Variants in PADI1 observed in about 807,000 individuals in gnomAD.
PADI1 encodes peptidyl arginine deiminase 1.
Under a neutral mutation model 74.8 loss-of-function variants are expected in PADI1, and 65 were observed. That is an observed-to-expected ratio of 0.87 (90% CI 0.71 to 1.07). The LOEUF (loss-of-function observed/expected upper bound fraction) is 1.07, where lower values mean the gene tolerates loss of function less well. PADI1 is among the 50% of genes least tolerant of loss of function. The pLI is 0.00. For synonymous variants in PADI1, 371 were observed against 336.2 expected, an observed-to-expected ratio of 1.10 and a Z score of -1.13; for missense variants, 943 against 854.0, an observed-to-expected ratio of 1.10 and a Z score of -1.30.
chr1:17,232,840 A>G lies in PADI1; in HGVS notation c.1183A>G (p.Thr395Ala), dbSNP rs756241132. 6.2e-7 allele frequency: 1 copy of G among 1,612,540 alleles called. No homozygotes were observed. The highest frequency in any genetic ancestry group is 1.1e-5 in the South Asian group (1 of 90,924). ...RILGPDFGYV[T>A]REIPLPGPSS... ...ATAGGGTCCTGACTTTGGATATGTT[A>G]CCCGGGAGATCCCGCTCCCTGGTCC... The change falls in exon 11 of 16, where the codon ACC becomes GCC. Residue 395 changes from threonine (T) to alanine (A), a missense_variant. Physicochemically the swap from Thr to Ala is moderately conservative, Grantham distance 58 (BLOSUM62 0). Transcript: ENST00000375471.
intron 1 of PADI1, among the ~76,000 whole-genome samples, chr1:17,205,558 T>C (rs532665688): frequency 6.6e-6 from 1 of 152,258 alleles, no homozygotes; most frequent in South Asian, 2.1e-4. Flanking sequence ...AGTCCAGCCT[T>C]AGATTTCTAA....
intron 6 of PADI1, among the ~76,000 whole-genome samples, chr1:17,227,064 A>T (rs1404902866): frequency 2.7e-5 from 4 of 147,516 alleles, no homozygotes; most frequent in Non-Finnish European, 3.0e-5. Context: ...GGGTGTGGAG[A>T]CTCATGCCTG....
chr1:17,210,935 G>T (rs1246102650), intron 1 of PADI1, among the ~76,000 whole-genome samples: 2 of 152,226 alleles, frequency 1.3e-5, no homozygotes, highest in East Asian at 1.9e-4. Context: ...CCTGCTCTGT[G>T]CTGGGTTCTG....
At position 17,244,088 on chromosome 1, in the gene PADI1, G is replaced by A. The variant is rs777805667; in HGVS notation, c.1837G>A (p.Glu613Lys). Residue 613 changes from glutamate to lysine, a missense_variant, in exon 16 of 16, where the codon GAG (glutamate) becomes AAG (lysine). Physicochemically the swap from Glu to Lys is moderately conservative, Grantham distance 56. Coordinates refer to ENST00000375471, the MANE Select transcript of PADI1 (RefSeq NM_013358.3). ...CATCATCAATGGCCGCTGCTGCCTG[G>A]AGGAGAAGGTGCAGTCCCTGCTGGA... ...GPIINGRCCL[E>K]EKVQSLLEPL... 3.2e-5 allele frequency: 51 copies of A among 1,614,116 alleles called. No homozygotes were observed. The highest frequency in any genetic ancestry group is 1.6e-4 in the Middle Eastern group (1 of 6,084).
At chr1:17,242,027 C>T (rs1281966108) in intron 15 of PADI1, among the ~76,000 whole-genome samples, 1 of 152,228 alleles carries the variant, frequency 6.6e-6, no homozygotes, top group Admixed American at 6.5e-5. Flanking sequence ...GCTTTCCTGA[C>T]TCCTCATGGG....
intron 12 of PADI1, 73 bp downstream of exon 12, chr1:17,237,531 C>T: frequency 7.0e-7 from 1 of 1,422,162 alleles, no homozygotes; most frequent in South Asian, 1.4e-5. Flanking sequence ...AGGGCAAAGC[C>T]ATCTGGAACC....
chr1:17,234,136 A>G (rs565861497), intron 11 of PADI1, among the ~76,000 whole-genome samples: 17 of 152,326 alleles, frequency 1.1e-4, no homozygotes. Flanking sequence ...TGCCAGCTAC[A>G]TGATTTGGGA....
chr1:17,206,801 C>A (rs2100382332), intron 1 of PADI1, among the ~76,000 whole-genome samples: 1 of 151,256 alleles, frequency 6.6e-6, no homozygotes, highest in East Asian at 2.0e-4. Flanking sequence ...TCTGCCGCAG[C>A]CTCCAGAGTA....
intron 1 of PADI1, among the ~76,000 whole-genome samples, chr1:17,212,056 G>T (rs2071845846): frequency 6.6e-6 from 1 of 152,200 alleles, no homozygotes; most frequent in East Asian, 1.9e-4. Flanking sequence ...TGGGAGCCCT[G>T]TGTGCCCCAG....
chr1:17,239,605 G>A (rs1056014974), intron 13 of PADI1, 99 bp from the exon 14 acceptor site: 37 of 872,612 alleles, frequency 4.2e-5, no homozygotes, highest in Non-Finnish European at 6.7e-5. Flanking sequence ...CTGGCACTGA[G>A]GTAGGAGGGA....
chr1:17,228,114 C>T (rs1024642205), intron 6 of PADI1, among the ~76,000 whole-genome samples: 15 of 152,270 alleles, frequency 9.9e-5, no homozygotes, highest in Non-Finnish European at 1.9e-4. Flanking sequence ...CCTCAGCCTC[C>T]CGAGTAGCTG....
chr1:17,208,312 A>G (rs899920617), intron 1 of PADI1, among the ~76,000 whole-genome samples: 5 of 152,116 alleles, frequency 3.3e-5, no homozygotes, highest in African/African-American at 9.7e-5. Flanking sequence ...TGTGTGCCCC[A>G]GGGTGTCCCA....
At chr1:17,237,524 G>A (rs1340019312) in intron 12 of PADI1, 66 bp downstream of exon 12, 4 of 1,468,340 alleles carry the variant, frequency 2.7e-6, no homozygotes, top group Admixed American at 2.2e-5. Flanking sequence ...ATGAGTCAGG[G>A]CAAAGCCATC....
In PADI1 at chr1:17,205,201, G is replaced by T. The variant is rs753694403; in HGVS notation, c.-17G>T. 3 of 1,610,302 alleles carry T rather than the reference G, an allele frequency of 1.9e-6. No individual in the cohort carries two copies. Among genetic ancestry groups the T allele is most frequent in the Non-Finnish European group, 2.5e-6 (3 of 1,176,724 alleles). ...GGAGCCAGGGCTGATCTAGGAGGCT[G>T]GGAGCCAGGTGACAGGATGGCCCCA... On this transcript the variant is annotated 5_prime_UTR_variant, in exon 1 of 16. Transcript: ENST00000375471.
intron 1 of PADI1, among the ~76,000 whole-genome samples, chr1:17,218,678 G>A (rs772910590): frequency 3.7e-4 from 57 of 152,342 alleles, no homozygotes; most frequent in South Asian, 8.3e-4. Context: ...ATAATTGGAG[G>A]TGTCAAGGGA....
At chr1:17,223,425 G>A in intron 2 of PADI1, 196 bp from the exon 3 acceptor site, 2 of 582,794 alleles carry the variant, frequency 3.4e-6, no homozygotes, top group East Asian at 2.9e-5. Flanking sequence ...ACCAAGGTGG[G>A]CTCCACAGCC....
chr1:17,240,355 TG>T (rs1281255607), intron 14 of PADI1: 1 of 319,850 alleles, frequency 3.1e-6, no homozygotes, highest in African/African-American at 2.1e-5. Context: ...ATGCTGTGGC[TG>T]GGGCTGGGAC....
intron 14 of PADI1, 136 bp downstream of exon 14, chr1:17,239,919 G>A: frequency 1.5e-6 from 1 of 683,930 alleles, no homozygotes; most frequent in Non-Finnish European, 2.6e-6. Context: ...CTGCAGGTGG[G>A]ATAGAGCCTC....
In PADI1 at chr1:17,238,616, G is replaced by A. The variant is rs781670850; in HGVS notation, c.1459G>A (p.Gly487Ser). ...GCCATTCTCCCTCCCTCCGTGCCAGGGCTTCCGGCTGCTCCTGGCTAGCCC... is the reference window on the plus strand; with the variant it reads ...GCCATTCTCCCTCCCTCCGTGCCAGAGCTTCCGGCTGCTCCTGGCTAGCCC... The part of the protein sequence containing the change: ...LTFVPTSDQK[G>S]FRLLLASPSA... The change falls in exon 13 of 16, where the codon GGC (glycine) becomes AGC (serine). Residue 487 changes from glycine (G) to serine (S), a missense_variant and splice_region_variant. Transcript: ENST00000375471. 11 of 1,494,628 alleles carry A rather than the reference G, an allele frequency of 7.4e-6. No homozygotes were observed. Among genetic ancestry groups the A allele is most frequent in the Middle Eastern group, 1.8e-4 (1 of 5,712 alleles). 92.6% of individuals were successfully genotyped at this position (1,494,628 alleles called of 1,614,324 possible). A position where few individuals can be genotyped will look rare whatever the true frequency, so the allele number is the denominator to read the frequency against.
Sources: gnomAD v4.1 joint callset for allele counts (sites outside exome capture counted in the v4.1 genomes callset) on GRCh38, gnomAD v4.1.1 for gene constraint, MANE v1.5 for transcripts, NCBI Gene and HGNC (gene_info 2026-07-23, HGNC 2026-07-21) for gene names.